Variants in BRINP3 observed in about 807,000 individuals in gnomAD.
BRINP3 encodes BMP/retinoic acid inducible neural specific 3.
A neutral mutation model predicts 71.0 loss-of-function variants in BRINP3; 19 were observed. The ratio of observed to expected loss-of-function variants is 0.27; its 90% CI spans 0.19 to 0.39. The LOEUF is 0.39. Among genes scored for constraint, BRINP3 ranks in the 10% least tolerant of loss-of-function variants. The probability of loss-of-function intolerance (pLI) is 1.00; values close to 1 mark genes in which losing one functional copy is unlikely to be tolerated. For missense variants in BRINP3, 959 were observed against 940.8 expected, an observed-to-expected ratio of 1.02 and a Z score of -0.25; for synonymous variants, 380 against 337.7, an observed-to-expected ratio of 1.13 and a Z score of -1.37.
intron 4 of BRINP3, among the ~76,000 whole-genome samples, chr1:190,262,552 G>A (rs939851978): frequency 1.3e-5 from 2 of 152,036 alleles, no homozygotes; most frequent in African/African-American, 4.8e-5. Context: ...CCTCCACCTA[G>A]TATGAAGCCC....
At chr1:190,129,684 C>CTTTATTATT (rs542237826) in intron 7 of BRINP3, among the ~76,000 whole-genome samples, 501 of 152,000 alleles carry the variant, frequency 3.3e-3, no homozygotes, top group African/African-American at 0.011. Flanking sequence ...TGTTAGCAGT[C>CTTTATTATT]TTTATTATTC....
chr1:190,364,685 T>G (rs1669371231), intron 2 of BRINP3, among the ~76,000 whole-genome samples: 2 of 152,234 alleles, frequency 1.3e-5, no homozygotes, highest in Non-Finnish European at 2.9e-5. Flanking sequence ...GGTTGGATAA[T>G]TCTAAGACAT....
At chr1:190,347,577 T>G (rs904997344) in intron 2 of BRINP3, among the ~76,000 whole-genome samples, 1 of 152,180 alleles carries the variant, frequency 6.6e-6, no homozygotes, top group Non-Finnish European at 1.5e-5. Context: ...ATGGTCTATA[T>G]GCATTCAGTA....
intron 3 of BRINP3, 42 bp downstream of exon 3, chr1:190,281,518 G>A: frequency 6.4e-7 from 1 of 1,569,252 alleles, no homozygotes; most frequent in Non-Finnish European, 8.7e-7. Flanking sequence ...ACGGTTTTAG[G>A]CACAAGCACA....
At chr1:190,394,238 CTCTT>C in intron 2 of BRINP3, among the ~76,000 whole-genome samples, 1 of 151,584 alleles carries the variant, frequency 6.6e-6, no homozygotes, top group South Asian at 2.1e-4. Flanking sequence ...ATACTTCTCT[CTCTT>C]TTCACTTATG....
chr1:190,123,231 A>G (rs1653827319), intron 7 of BRINP3, among the ~76,000 whole-genome samples: 1 of 152,128 alleles, frequency 6.6e-6, no homozygotes, highest in African/African-American at 2.4e-5. Context: ...AGCAGTGATG[A>G]AAACCCATCA....
chr1:190,114,275 G>C (rs1485734745), intron 7 of BRINP3, among the ~76,000 whole-genome samples: 1 of 152,092 alleles, frequency 6.6e-6, no homozygotes, highest in African/African-American at 2.4e-5. Flanking sequence ...AAGTAGAGCA[G>C]TTGCCAGTAC....
intron 2 of BRINP3, among the ~76,000 whole-genome samples, chr1:190,399,484 T>A (rs1456567888): frequency 6.6e-6 from 1 of 151,992 alleles, no homozygotes. Flanking sequence ...TTTTATAATG[T>A]ACATAAATAG....
intron 7 of BRINP3, among the ~76,000 whole-genome samples, chr1:190,100,639 CTTTA>C (rs1401980617): frequency 2.0e-5 from 3 of 152,150 alleles, no homozygotes; most frequent in Admixed American, 6.5e-5. Context: ...TAATACAACA[CTTTA>C]TTTGACATTT....
intron 2 of BRINP3, among the ~76,000 whole-genome samples, chr1:190,369,729 A>C (rs1010182903): frequency 6.6e-6 from 1 of 152,136 alleles, no homozygotes; most frequent in Non-Finnish European, 1.5e-5. Flanking sequence ...TGCTAGGAAA[A>C]TTTAAGTCCA....
intron 2 of BRINP3, among the ~76,000 whole-genome samples, chr1:190,303,728 T>A (rs1664891699): frequency 6.6e-6 from 1 of 151,790 alleles, no homozygotes; most frequent in Admixed American, 6.6e-5. Flanking sequence ...CAACTAAAAT[T>A]AACTACTTTG....
intron 2 of BRINP3, among the ~76,000 whole-genome samples, chr1:190,374,992 G>A (rs1670095850): frequency 6.6e-6 from 1 of 151,694 alleles, no homozygotes; most frequent in African/African-American, 2.4e-5. Context: ...AATAGCATCT[G>A]GATAAACAGA....
chr1:190,453,653 T>C (rs906953356), intron 2 of BRINP3, among the ~76,000 whole-genome samples: 1 of 152,194 alleles, frequency 6.6e-6, no homozygotes, highest in African/African-American at 2.4e-5. Flanking sequence ...TGGAACTTGC[T>C]CAGGACATTC....
intron 2 of BRINP3, among the ~76,000 whole-genome samples, chr1:190,391,055 C>T (rs1003250477): frequency 2.0e-5 from 3 of 151,730 alleles, no homozygotes; most frequent in African/African-American, 7.3e-5. Flanking sequence ...ATTCAGGGAC[C>T]CCCTCCTTCA....
At chr1:190,404,943 C>T (rs902701901) in intron 2 of BRINP3, among the ~76,000 whole-genome samples, 2 of 152,028 alleles carry the variant, frequency 1.3e-5, no homozygotes, top group Non-Finnish European at 2.9e-5. Flanking sequence ...ATATAATTCT[C>T]TGTAAAGGCT....
At chr1:190,349,967 T>C (rs916776270) in intron 2 of BRINP3, among the ~76,000 whole-genome samples, 4 of 152,054 alleles carry the variant, frequency 2.6e-5, no homozygotes, top group Non-Finnish European at 5.9e-5. Context: ...TGCTGTGATA[T>C]AGAGTAGTGT....
At chr1:190,154,907 A>G (rs1656730542) in intron 7 of BRINP3, among the ~76,000 whole-genome samples, 1 of 152,104 alleles carries the variant, frequency 6.6e-6, no homozygotes, top group African/African-American at 2.4e-5. Context: ...TCTGTTATCA[A>G]AACTTAAAAA....
chr1:190,152,424 A>C (rs1383808449), intron 7 of BRINP3, among the ~76,000 whole-genome samples: 1 of 151,960 alleles, frequency 6.6e-6, no homozygotes, highest in South Asian at 2.1e-4. Flanking sequence ...TATGGTCCAA[A>C]AAACAACATG....
At chr1:190,156,695 A>G (rs539398494) in intron 7 of BRINP3, among the ~76,000 whole-genome samples, 33 of 152,198 alleles carry the variant, frequency 2.2e-4, no homozygotes, top group Admixed American at 4.6e-4. Flanking sequence ...GGTGACTAAT[A>G]GTCAACTTAG....
Sources: allele counts gnomAD v4.1 joint callset (sites outside exome capture counted in the v4.1 genomes callset), GRCh38; gene constraint gnomAD v4.1.1; transcripts MANE v1.5; gene names NCBI Gene and HGNC (gene_info 2026-07-23, HGNC 2026-07-21).